LARGE1: variants seen among roughly 807,000 people sequenced by gnomAD.
The protein encoded by LARGE1 is xylosyl- and glucuronyltransferase LARGE1.
LARGE1 carries 43 observed loss-of-function variants against 87.6 expected under a neutral mutation model. The observed-to-expected ratio is 0.49, with a 90% CI of 0.38 to 0.63. LARGE1 has a LOEUF of 0.63. LARGE1 is among the 30% of genes least tolerant of loss of function. The pLI is 0.00. For synonymous variants in LARGE1, 434 were observed against 394.6 expected, an observed-to-expected ratio of 1.10 and a Z score of -1.18; for missense variants, 802 against 1,000.2, an observed-to-expected ratio of 0.80 and a Z score of 2.67.
At chr22:33,086,703 C>A in the LARGE1 span, among the ~76,000 whole-genome samples, 10 of 152,022 alleles carry the variant, frequency 6.6e-5, no homozygotes, top group African/African-American at 1.7e-4. Flanking sequence ...CAGGCGCATG[C>A]CACCACACCC....
At chr22:33,455,218 C>G (rs1356834350) in intron 6 of LARGE1, among the ~76,000 whole-genome samples, 1 of 152,166 alleles carries the variant, frequency 6.6e-6, no homozygotes, top group African/African-American at 2.4e-5. Context: ...TTTATAGTAA[C>G]TGATGTGCAG....
the LARGE1 span, among the ~76,000 whole-genome samples, chr22:33,088,925 A>C: frequency 1.3e-5 from 2 of 152,202 alleles, no homozygotes; most frequent in Non-Finnish European, 2.9e-5. Flanking sequence ...TATTTAAAAG[A>C]GTGCCTGGTA....
intron 5 of LARGE1, among the ~76,000 whole-genome samples, chr22:33,588,180 C>T (rs2078733094): frequency 6.6e-6 from 1 of 152,122 alleles, no homozygotes; most frequent in African/African-American, 2.4e-5. Context: ...AAAGAAGAGC[C>T]GAGGGGTCCA....
At chr22:33,357,912 G>A (rs140501478) in intron 9 of LARGE1, among the ~76,000 whole-genome samples, 208 of 152,226 alleles carry the variant, frequency 1.4e-3, no homozygotes, top group Non-Finnish European at 2.3e-3. Flanking sequence ...AAGTCATGAG[G>A]ATGACTTTAG....
At position 33,387,402 on chromosome 22, in the gene LARGE1, G is replaced by C. The variant is rs149446020; in HGVS notation, c.893-3098C>G. On this transcript the variant is annotated intron_variant, in intron 7 of 14. Transcript: ENST00000397394. ...AGATTGCACCACTGTCCTCCAGTGG[G>C]GGTAACAGAGTGAGACTCTGTCTCA... Among the ~76,000 whole-genome samples the C allele has an allele frequency of 1.6e-3, 233 of 146,992 alleles. 1 individual carries two copies. Among genetic ancestry groups the C allele is most frequent in the African/African-American group, 5.7e-3 (222 of 39,172 alleles).
chr22:33,814,232 C>T (rs1336244830), intron 1 of LARGE1, among the ~76,000 whole-genome samples: 2 of 152,190 alleles, frequency 1.3e-5, no homozygotes, highest in Non-Finnish European at 2.9e-5. Context: ...TTCTCTTCAA[C>T]CTGACCTCGC....
chr22:33,446,738 G>A (rs2067700355), intron 6 of LARGE1, among the ~76,000 whole-genome samples: 1 of 152,190 alleles, frequency 6.6e-6, no homozygotes, highest in East Asian at 1.9e-4. Flanking sequence ...CGAAGGACAA[G>A]CAGGGGGAAC....
At chr22:33,660,090 G>GT (rs35643369) in intron 2 of LARGE1, among the ~76,000 whole-genome samples, 4,004 of 125,376 alleles carry the variant, frequency 0.032, 127 homozygotes, top group African/African-American at 0.062. Flanking sequence ...GTGTGTGTGT[G>GT]TTTTTTTTTT....
At chr22:33,740,372 C>G (rs549549371) in intron 2 of LARGE1, among the ~76,000 whole-genome samples, 5 of 152,318 alleles carry the variant, frequency 3.3e-5, no homozygotes, top group Middle Eastern at 3.4e-3. Flanking sequence ...TTGCTCTCAG[C>G]CTTAAATTCT....
intron 2 of LARGE1, among the ~76,000 whole-genome samples, chr22:33,741,263 G>A (rs891402181): frequency 6.6e-6 from 1 of 152,140 alleles, no homozygotes; most frequent in Admixed American, 6.5e-5. Context: ...GATACATCAT[G>A]CAATAACAAG....
rs544082940 is a variant in LARGE1, at chr22:33,458,175, C to T, written c.788-25910G>A. On this transcript the variant is annotated intron_variant, in intron 6 of 14. Coordinates refer to ENST00000397394, the MANE Select transcript of LARGE1 (RefSeq NM_133642.5). Reference sequence around the variant, plus strand: ...AGGCTGGAGTGCAGTGGCATGATCTCGGCTCACTGCAAGCTCCATCTCCCG... The same window carrying T: ...AGGCTGGAGTGCAGTGGCATGATCTTGGCTCACTGCAAGCTCCATCTCCCG... Among the ~76,000 whole-genome samples, 12 of 149,592 alleles carry T rather than the reference C, an allele frequency of 8.0e-5. No homozygotes were observed. The East Asian group carries it at 1.6e-3, about 20-fold the overall frequency.
chr22:33,077,680 A>G, the LARGE1 span, among the ~76,000 whole-genome samples: 5 of 152,200 alleles, frequency 3.3e-5, no homozygotes, highest in African/African-American at 1.2e-4. Context: ...TAGCATGTAG[A>G]TCCTAAACAT....
At chr22:33,618,574 G>T (rs570854043) in intron 4 of LARGE1, among the ~76,000 whole-genome samples, 1 of 152,230 alleles carries the variant, frequency 6.6e-6, no homozygotes, top group Non-Finnish European at 1.5e-5. Context: ...CCTGTTCAAA[G>T]ATATCACGTG....
At chr22:33,866,645 A>C (rs2064112195) in intron 1 of LARGE1, among the ~76,000 whole-genome samples, 1 of 152,158 alleles carries the variant, frequency 6.6e-6, no homozygotes, top group Non-Finnish European at 1.5e-5. Flanking sequence ...TCTGCTCTGG[A>C]AGCACTCACA....
chr22:33,601,607 T>C (rs2079115240), intron 5 of LARGE1, among the ~76,000 whole-genome samples: 1 of 152,224 alleles, frequency 6.6e-6, no homozygotes, highest in Non-Finnish European at 1.5e-5. Context: ...ATAAATACTT[T>C]CATACTGTTG....
chr22:33,130,263 G>A, the LARGE1 span, among the ~76,000 whole-genome samples: 3 of 138,040 alleles, frequency 2.2e-5, no homozygotes, highest in Non-Finnish European at 3.0e-5. Context: ...GCAGTGAGCC[G>A]AGACAGCGCC....
At position 33,842,135 on chromosome 22, in the gene LARGE1, A is replaced by C. The variant is rs974497096; in HGVS notation, c.-83+77860T>G. ...GTTCCTTACCATCTAGAAAGTCAGAACACTGTACTCAAAAGTAAAATCGAA... is the reference window on the plus strand; with the variant it reads ...GTTCCTTACCATCTAGAAAGTCAGACCACTGTACTCAAAAGTAAAATCGAA... On this transcript the variant is annotated intron_variant, in intron 1 of 14. Coordinates refer to ENST00000397394, the MANE Select transcript of LARGE1 (RefSeq NM_133642.5). Among the ~76,000 whole-genome samples the C allele has an allele frequency of 2.6e-5, 4 of 152,318 alleles. No individual in the cohort carries two copies. The East Asian group carries it at 7.7e-4, about 29-fold the overall frequency.
At chr22:33,293,139 G>C (rs1277515409) in intron 12 of LARGE1, among the ~76,000 whole-genome samples, 1 of 152,214 alleles carries the variant, frequency 6.6e-6, no homozygotes, top group Non-Finnish European at 1.5e-5. Context: ...GAGTTAGCCA[G>C]TCAGGAAAGG....
intron 1 of LARGE1, among the ~76,000 whole-genome samples, chr22:33,815,337 T>C (rs1206423090): frequency 6.6e-6 from 1 of 152,224 alleles, no homozygotes; most frequent in Non-Finnish European, 1.5e-5. Flanking sequence ...GTCCAGCTGT[T>C]CAACGTGAAT....
Sources: gnomAD v4.1 joint callset for allele counts (sites outside exome capture counted in the v4.1 genomes callset) on GRCh38, gnomAD v4.1.1 for gene constraint, MANE v1.5 for transcripts, NCBI Gene and HGNC (gene_info 2026-07-23, HGNC 2026-07-21) for gene names.